SLAIN1: variants seen among roughly 807,000 people sequenced by gnomAD.
SLAIN1 encodes the protein SLAIN family member 1.
SLAIN1 carries 17 observed loss-of-function variants against 55.4 expected under a neutral mutation model. That is an observed-to-expected ratio of 0.31 (90% CI 0.21 to 0.46). The LOEUF is 0.46. Among genes scored for constraint, SLAIN1 ranks in the 20% least tolerant of loss-of-function variants. The probability of loss-of-function intolerance (pLI) is 1.00; values close to 1 mark genes in which losing one functional copy is unlikely to be tolerated. For synonymous variants in SLAIN1, 348 were observed against 337.4 expected, an observed-to-expected ratio of 1.03 and a Z score of -0.35; for missense variants, 682 against 785.1, an observed-to-expected ratio of 0.87 and a Z score of 1.57.
intron 5 of SLAIN1, among the ~76,000 whole-genome samples, chr13:77,756,367 G>A (rs1874608453): frequency 2.0e-5 from 3 of 151,916 alleles, no homozygotes; most frequent in Admixed American, 1.3e-4. Flanking sequence ...CATTGACTCA[G>A]GTCTTTAATA....
At chr13:77,705,296 T>C (rs374099898) in intron 1 of SLAIN1, among the ~76,000 whole-genome samples, 65 of 151,914 alleles carry the variant, frequency 4.3e-4, no homozygotes, top group Admixed American at 3.4e-3. Context: ...AGGGGTTCTA[T>C]GAGAAGGATA....
intron 1 of SLAIN1, among the ~76,000 whole-genome samples, chr13:77,719,092 A>T (rs1433263505): frequency 6.6e-6 from 1 of 152,128 alleles, no homozygotes; most frequent in African/African-American, 2.4e-5. Flanking sequence ...ACTTATTTTT[A>T]AAAAATACAC....
Position 77,726,692 on chromosome 13 carries a change from T to C in SLAIN1, c.766+7021T>C, listed in dbSNP as rs138084269. ...ACCTGGCCTCCCTGTGCTGGGATTA[T>C]AGGCATGAGCCACTGTGCTTGGCCC... On this transcript the variant is annotated intron_variant, in intron 2 of 6. Coordinates refer to ENST00000418532, the MANE Select transcript of SLAIN1 (RefSeq NM_001242868.2). Among the ~76,000 whole-genome samples the C allele has an allele frequency of 5.4e-4, 83 of 152,340 alleles. 1 individual carries two copies. The highest frequency in any genetic ancestry group is 1.0e-3 in the Non-Finnish European group (70 of 68,018).
intron 1 of SLAIN1, among the ~76,000 whole-genome samples, chr13:77,702,716 AT>A (rs112755865): frequency 4.6e-5 from 7 of 151,396 alleles, no homozygotes; most frequent in African/African-American, 7.3e-5. Context: ...CATCACTGAT[AT>A]TTTTTTTTCC....
At chr13:77,746,910 C>A in intron 4 of SLAIN1, 55 bp downstream of exon 4, 1 of 1,439,956 alleles carries the variant, frequency 6.9e-7, no homozygotes, top group South Asian at 1.3e-5. Context: ...TATATGTGGT[C>A]AAGAAATGGT....
intron 1 of SLAIN1, among the ~76,000 whole-genome samples, chr13:77,714,949 C>T (rs535886965): frequency 1.3e-5 from 2 of 152,234 alleles, no homozygotes; most frequent in South Asian, 4.1e-4. Flanking sequence ...CTCACTGCAA[C>T]CTCCACCTCT....
chr13:77,714,304 G>A (rs982316210), intron 1 of SLAIN1, among the ~76,000 whole-genome samples: 14 of 152,078 alleles, frequency 9.2e-5, no homozygotes, highest in Admixed American at 6.6e-4. Flanking sequence ...TGGCAGCTAT[G>A]AATTTCTCAT....
chr13:77,719,700 T>G (rs892784378), intron 2 of SLAIN1, 29 bp downstream of exon 2: 1 of 1,606,268 alleles, frequency 6.2e-7, no homozygotes, highest in Non-Finnish European at 8.5e-7. Context: ...ATTTACATTC[T>G]CCAACTCTTG....
intron 1 of SLAIN1, among the ~76,000 whole-genome samples, chr13:77,707,243 A>G (rs2091099117): frequency 6.6e-6 from 1 of 151,042 alleles, no homozygotes; most frequent in Non-Finnish European, 1.5e-5. Flanking sequence ...TTTTCAGGAG[A>G]CTTCTTCAAC....
At chr13:77,719,782 C>T in intron 2 of SLAIN1, 111 bp downstream of exon 2, 1 of 1,190,574 alleles carries the variant, frequency 8.4e-7, no homozygotes, top group African/African-American at 1.5e-5. Flanking sequence ...CCCTGAGGTG[C>T]AGCTGTTGCA....
At chr13:77,757,756 A>T (rs1456113855) in intron 5 of SLAIN1, among the ~76,000 whole-genome samples, 3 of 152,108 alleles carry the variant, frequency 2.0e-5, no homozygotes, top group Non-Finnish European at 4.4e-5. Flanking sequence ...GCTGCAAAAT[A>T]TTAATTTGTT....
At chr13:77,711,712 C>T (rs190379786) in intron 1 of SLAIN1, among the ~76,000 whole-genome samples, 165 of 152,290 alleles carry the variant, frequency 1.1e-3, no homozygotes, top group East Asian at 6.7e-3. Context: ...GGGCTCCTCC[C>T]TAACTCATTT....
chr13:77,697,883 C>T lies in SLAIN1; in HGVS notation c.-31C>T, dbSNP rs550820511. On this transcript the variant is annotated 5_prime_UTR_variant, in exon 1 of 7. Transcript: ENST00000418532. Reference sequence around the variant, plus strand: ...GGAGCCGGCGCGGCGGCGCGCACTCCCCGGCGGCCGCGGCGCCCTCGGGGC... The same window carrying T: ...GGAGCCGGCGCGGCGGCGCGCACTCTCCGGCGGCCGCGGCGCCCTCGGGGC... 2.3e-4 allele frequency: 305 copies of T among 1,325,122 alleles called. 7 individuals are homozygous for T. The South Asian group carries it at 4.7e-3, about 20-fold the overall frequency. The allele number at this position is 1,325,122 out of a possible 1,614,324, so 82.1% of individuals were successfully genotyped here.
intron 2 of SLAIN1, among the ~76,000 whole-genome samples, chr13:77,737,734 G>A (rs963518276): frequency 6.6e-6 from 1 of 152,078 alleles, no homozygotes; most frequent in Non-Finnish European, 1.5e-5. Flanking sequence ...CCCCCAGAAA[G>A]TTAATCATTG....
chr13:77,725,396 G>T (rs547225887), intron 2 of SLAIN1, among the ~76,000 whole-genome samples: 11 of 152,266 alleles, frequency 7.2e-5, no homozygotes, highest in Admixed American at 2.0e-4. Flanking sequence ...GGAGTGATGA[G>T]AGGTAAACAA....
chr13:77,751,621 TGA>T (rs1193651461), intron 4 of SLAIN1, among the ~76,000 whole-genome samples: 3 of 152,170 alleles, frequency 2.0e-5, no homozygotes, highest in Non-Finnish European at 4.4e-5. Flanking sequence ...CTCACAGGTA[TGA>T]GAGAGTTCAC....
Position 77,698,307 on chromosome 13 carries a change from G to T in SLAIN1, c.394G>T (p.Ala132Ser). The change falls in exon 1 of 7, where the codon GCG becomes TCG. Residue 132 changes from alanine (A) to serine (S), a missense_variant. Coordinates refer to ENST00000418532, the MANE Select transcript of SLAIN1 (RefSeq NM_001242868.2). The surrounding 1 kb of genome is among the most constrained non-coding windows in gnomAD (Gnocchi z 4.1). Reference protein sequence around the residue: ...FPGTFCLPSPAPSLLCSLAQP... With the variant: ...FPGTFCLPSPSPSLLCSLAQP... ...GGGCACCTTCTGCCTGCCTAGCCCC[G>T]CGCCCTCCCTGCTTTGCAGCCTGGC... The T allele has an allele frequency of 6.9e-7, 1 of 1,443,920 alleles. No homozygotes were observed. The highest frequency in any genetic ancestry group is 9.1e-7 in the Non-Finnish European group (1 of 1,100,066). 89.4% of individuals were successfully genotyped at this position (1,443,920 alleles called of 1,614,324 possible).
chr13:77,719,781 G>A, intron 2 of SLAIN1, 110 bp downstream of exon 2: 2 of 1,192,638 alleles, frequency 1.7e-6, no homozygotes, highest in Non-Finnish European at 2.4e-6. Context: ...ACCCTGAGGT[G>A]CAGCTGTTGC....
At position 77,761,015 on chromosome 13, in the gene SLAIN1, T is replaced by C. The variant is rs774398950; in HGVS notation, c.1602T>C (p.Ala534=). 8.1e-6 allele frequency: 13 copies of C among 1,614,080 alleles called. No homozygotes were observed. Among genetic ancestry groups the C allele is most frequent in the Non-Finnish European group, 1.1e-5 (13 of 1,180,020 alleles). The change falls in exon 6 of 7, where the codon GCT becomes GCC. Residue 534 remains alanine, a synonymous_variant. Coordinates refer to ENST00000418532, the MANE Select transcript of SLAIN1 (RefSeq NM_001242868.2). ...TGIPTPNKAA[A]SGIMGRSALP... Reference sequence around the variant, plus strand: ...TCCCCACACCGAACAAAGCTGCAGCTTCTGGGATAATGGGTCGCAGTGCAC... The same window carrying C: ...TCCCCACACCGAACAAAGCTGCAGCCTCTGGGATAATGGGTCGCAGTGCAC...
Sources: allele counts gnomAD v4.1 joint callset (sites outside exome capture counted in the v4.1 genomes callset), GRCh38; gene constraint gnomAD v4.1.1; non-coding constraint Gnocchi (gnomAD v3.1); transcripts MANE v1.5; gene names NCBI Gene and HGNC (gene_info 2026-07-23, HGNC 2026-07-21).